The following NR6A1 variants were observed in gnomAD, a reference collection of about 807,000 sequenced individuals.
The protein encoded by NR6A1 is nuclear receptor subfamily 6 group A member 1.
A neutral mutation model predicts 59.1 loss-of-function variants in NR6A1; 7 were observed. The ratio of observed to expected loss-of-function variants is 0.12; its 90% CI spans 0.07 to 0.22. The LOEUF (loss-of-function observed/expected upper bound fraction) is 0.22. Ranked by LOEUF, NR6A1 falls within the 10% of genes least tolerant of loss-of-function variation. NR6A1 has a pLI of 1.00. For missense variants in NR6A1, 468 were observed against 611.6 expected (o/e 0.77, Z 2.48); for synonymous variants, 243 against 236.1 (o/e 1.03, Z -0.27).
At position 124,745,138 on chromosome 9, in the gene NR6A1, T is replaced by G. The variant is rs532607070; in HGVS notation, c.101-11789A>C. 1.7e-3 allele frequency among the ~76,000 whole-genome samples: 255 copies of G among 152,252 alleles called. 1 individual carries two copies. Among genetic ancestry groups the G allele is most frequent in the South Asian group, 2.7e-3 (13 of 4,824 alleles). On this transcript the variant is annotated intron_variant, in intron 1 of 9. Coordinates refer to ENST00000487099, the MANE Select transcript of NR6A1 (RefSeq NM_033334.4). Reference sequence around the variant, plus strand: ...TTATGTACACTTATTCAATGGAATATTTTGCGAACACTATAAATGTTTTCC... The same window carrying G: ...TTATGTACACTTATTCAATGGAATAGTTTGCGAACACTATAAATGTTTTCC...
intron 8 of NR6A1, 148 bp from the exon 9 acceptor site, chr9:124,525,021 A>G: frequency 1.1e-6 from 1 of 925,212 alleles, no homozygotes; most frequent in Non-Finnish European, 1.6e-6. Context: ...GATAGGGAGG[A>G]ACTAAGTTCT....
chr9:124,582,742 G>T (rs1034992610), intron 2 of NR6A1, among the ~76,000 whole-genome samples: 16 of 152,114 alleles, frequency 1.1e-4, no homozygotes, highest in South Asian at 2.1e-4. Context: ...AAACAAATTA[G>T]CTGGGCATGG....
At chr9:124,673,270 G>A (rs1219218557) in intron 2 of NR6A1, among the ~76,000 whole-genome samples, 1 of 151,802 alleles carries the variant, frequency 6.6e-6, no homozygotes, top group African/African-American at 2.4e-5. Context: ...TGTGGTTACA[G>A]TGAGCTTTGA....
chr9:124,624,682 C>T (rs1288338382), intron 2 of NR6A1, among the ~76,000 whole-genome samples: 4 of 152,142 alleles, frequency 2.6e-5, no homozygotes, highest in Non-Finnish European at 4.4e-5. Flanking sequence ...AAACATGAAA[C>T]AGCTCTTTGA....
intron 2 of NR6A1, among the ~76,000 whole-genome samples, chr9:124,555,481 T>C (rs775247635): frequency 2.6e-5 from 4 of 152,330 alleles, no homozygotes; most frequent in Middle Eastern, 3.4e-3. Flanking sequence ...CCAGGCGTGA[T>C]GGCACACACC....
At chr9:124,564,709 G>A (rs912295113) in intron 2 of NR6A1, among the ~76,000 whole-genome samples, 6 of 137,228 alleles carry the variant, frequency 4.4e-5, no homozygotes, top group African/African-American at 1.1e-4. Flanking sequence ...GTGTGTGTGT[G>A]TATAACTTGA....
At chr9:124,564,679 C>CTGTGTGTGTG (rs1491483034) in intron 2 of NR6A1, among the ~76,000 whole-genome samples, 5 of 68,646 alleles carry the variant, frequency 7.3e-5, no homozygotes, top group African/African-American at 1.9e-4. Context: ...AAAATCCACA[C>CTGTGTGTGTG]TCTGTGTGTG....
At chr9:124,531,108 A>G (rs897996675) in intron 7 of NR6A1, among the ~76,000 whole-genome samples, 2 of 152,244 alleles carry the variant, frequency 1.3e-5, no homozygotes, top group Middle Eastern at 3.2e-3. Flanking sequence ...TTATTGTAGC[A>G]AAAATAAAAG....
intron 1 of NR6A1, among the ~76,000 whole-genome samples, chr9:124,746,324 C>A (rs1458261724): frequency 1.3e-5 from 2 of 152,212 alleles, no homozygotes; most frequent in African/African-American, 2.4e-5. Flanking sequence ...CACAGTGGCT[C>A]ACACCTGTAA....
chr9:124,760,268 C>T (rs1046478267), intron 1 of NR6A1, among the ~76,000 whole-genome samples: 5 of 151,496 alleles, frequency 3.3e-5, no homozygotes, highest in Admixed American at 1.3e-4. Context: ...GCCAAGATCT[C>T]GCCACTGCAC....
At chr9:124,765,178 G>A (rs1247688406) in intron 1 of NR6A1, among the ~76,000 whole-genome samples, 1 of 152,118 alleles carries the variant, frequency 6.6e-6, no homozygotes, top group Non-Finnish European at 1.5e-5. Context: ...TTCTGTATTT[G>A]AGATTATATA....
At chr9:124,695,401 G>C (rs1490169158) in intron 2 of NR6A1, among the ~76,000 whole-genome samples, 7 of 152,260 alleles carry the variant, frequency 4.6e-5, no homozygotes, top group Admixed American at 1.3e-4. Context: ...TTTTGAGACA[G>C]TCTTGCTCTG....
intron 2 of NR6A1, among the ~76,000 whole-genome samples, chr9:124,566,883 C>T (rs917075334): frequency 3.3e-5 from 5 of 152,074 alleles, no homozygotes; most frequent in Non-Finnish European, 5.9e-5. Flanking sequence ...CCAAGGCGGG[C>T]GGATCACGAG....
At chr9:124,630,292 T>G (rs1441240509) in intron 2 of NR6A1, among the ~76,000 whole-genome samples, 1 of 144,612 alleles carries the variant, frequency 6.9e-6, no homozygotes, top group East Asian at 2.2e-4. Flanking sequence ...CTTGGCTCAC[T>G]GCAACCTCTG....
In NR6A1 at chr9:124,522,713, TG is replaced by T; in HGVS notation, c.1434del (p.Lys479ArgfsTer44). ...VVLHSCKTSV[G>X]KE is the part of the protein sequence containing the mutation. ...AGGGCGCCTGGAACAGGTCATTCCTTGCCCACACTGGTCTTGCAGGAATGCA... is the reference window on the plus strand; with the variant it reads ...AGGGCGCCTGGAACAGGTCATTCCTTCCCACACTGGTCTTGCAGGAATGCA... On this transcript the variant is annotated frameshift_variant, in exon 10 of 10. Coordinates refer to ENST00000487099, the MANE Select transcript of NR6A1 (RefSeq NM_033334.4). LOFTEE classifies it high-confidence loss of function. 2 of 1,578,224 alleles carry T rather than the reference TG, an allele frequency of 1.3e-6. No homozygotes were observed. Among genetic ancestry groups the T allele is most frequent in the South Asian group, 2.3e-5 (2 of 85,788 alleles).
intron 2 of NR6A1, among the ~76,000 whole-genome samples, chr9:124,585,829 C>T (rs1197628667): frequency 2.6e-5 from 4 of 152,050 alleles, no homozygotes; most frequent in African/African-American, 4.8e-5. Context: ...TTCAGAAAAT[C>T]CTAGGACCCT....
At chr9:124,659,109 C>T (rs1423466232) in intron 2 of NR6A1, among the ~76,000 whole-genome samples, 2 of 152,212 alleles carry the variant, frequency 1.3e-5, no homozygotes, top group African/African-American at 4.8e-5. Context: ...CCTTTTCTAT[C>T]TCTAGTTTTG....
intron 2 of NR6A1, among the ~76,000 whole-genome samples, chr9:124,687,295 T>TTAATTAATTAATTAATTAA (rs571265880): frequency 7.7e-5 from 4 of 51,780 alleles, no homozygotes; most frequent in African/African-American, 3.4e-4. Flanking sequence ...TAATTAATTA[T>TTAATTAATTAATTAATTAA]TTATTTATTT....
chr9:124,529,912 G>A (rs1385380193), intron 7 of NR6A1, among the ~76,000 whole-genome samples: 2 of 152,106 alleles, frequency 1.3e-5, no homozygotes, highest in Non-Finnish European at 1.5e-5. Flanking sequence ...GACTGGAGGG[G>A]TGGGGATGAA....
Sources: gnomAD v4.1 joint callset for allele counts (sites outside exome capture counted in the v4.1 genomes callset) on GRCh38, gnomAD v4.1.1 for gene constraint, MANE v1.5 for transcripts, NCBI Gene and HGNC (gene_info 2026-07-23, HGNC 2026-07-21) for gene names.